Variants in ATRN observed in about 807,000 individuals in gnomAD.
ATRN encodes the protein attractin.
In ATRN, 54 loss-of-function variants were observed where a neutral mutation model predicts 178.7. That is an observed-to-expected ratio of 0.30 (90% CI 0.24 to 0.38). The LOEUF is 0.38. Among genes scored for constraint, ATRN ranks in the 10% least tolerant of loss-of-function variants. ATRN has a pLI of 1.00. For synonymous variants in ATRN, 636 were observed against 663.0 expected (o/e 0.96, Z 0.63); for missense variants, 1,443 against 1,815.1 (o/e 0.79, Z 3.73).
chr20:3,541,222 C>T lies in ATRN; in HGVS notation c.608+887C>T, dbSNP rs1225402456. Among the ~76,000 whole-genome samples, 16 of 151,816 alleles carry T rather than the reference C, an allele frequency of 1.1e-4. No homozygotes were observed. The South Asian group carries it at 2.1e-3, about 20-fold the overall frequency. On this transcript the variant is annotated intron_variant, in intron 3 of 28. Coordinates refer to ENST00000262919, the MANE Select transcript of ATRN (RefSeq NM_139321.3). ...CCTCCCGAGTAGCTGGGACTACAGG[C>T]GCCCGCTACCACGCCCGGCTAATTT...
At chr20:3,543,667 G>T (rs1294361255) in intron 3 of ATRN, among the ~76,000 whole-genome samples, 9 of 151,840 alleles carry the variant, frequency 5.9e-5, no homozygotes, top group African/African-American at 9.7e-5. Flanking sequence ...GGAGGTTGCG[G>T]TGAGCCGAGA....
intron 18 of ATRN, among the ~76,000 whole-genome samples, chr20:3,585,484 C>T (rs1447600125): frequency 6.6e-6 from 1 of 152,108 alleles, no homozygotes; most frequent in Non-Finnish European, 1.5e-5. Context: ...AAACTAACAC[C>T]AGGAACCAAT....
chr20:3,631,334 T>A (rs1382299563), intron 25 of ATRN, among the ~76,000 whole-genome samples: 1 of 152,074 alleles, frequency 6.6e-6, no homozygotes, highest in Admixed American at 6.6e-5. Context: ...GAATGGCTCA[T>A]ATAATATATG....
chr20:3,540,642 T>C (rs1011056695), intron 3 of ATRN, among the ~76,000 whole-genome samples: 2 of 152,220 alleles, frequency 1.3e-5, no homozygotes, highest in African/African-American at 4.8e-5. Flanking sequence ...CAAAATGTTT[T>C]GAGAGTGATA....
At chr20:3,523,286 C>T (rs1005929790) in intron 1 of ATRN, among the ~76,000 whole-genome samples, 5 of 151,184 alleles carry the variant, frequency 3.3e-5, no homozygotes, top group African/African-American at 9.7e-5. Context: ...TATCAATAGC[C>T]AAATCGATCA....
At chr20:3,587,130 C>T (rs2086369152) in intron 18 of ATRN, among the ~76,000 whole-genome samples, 1 of 152,054 alleles carries the variant, frequency 6.6e-6, no homozygotes, top group African/African-American at 2.4e-5. Context: ...ATTCTGAAGT[C>T]CCTTATTGGA....
rs755860434 is a variant in ATRN at position 3,596,372 on chromosome 20, C to A, written c.3417-5C>A. On this transcript the variant is annotated splice_polypyrimidine_tract_variant and splice_region_variant and intron_variant, in intron 20 of 28. Transcript: ENST00000262919. ...CAGTATAAAATAGTCTTTTTTCCCC[C>A]CCAGATGTGAGGTAGAAAATCGATA... 6.2e-7 allele frequency: 1 copy of A among 1,612,002 alleles called. No homozygotes were observed. Among genetic ancestry groups the A allele is most frequent in the South Asian group, 1.1e-5 (1 of 90,928 alleles).
At chr20:3,515,617 G>C (rs891611808) in intron 1 of ATRN, among the ~76,000 whole-genome samples, 1 of 152,184 alleles carries the variant, frequency 6.6e-6, no homozygotes, top group African/African-American at 2.4e-5. Context: ...AATTTGGTGA[G>C]AGCATTGAGT....
chr20:3,526,626 A>C (rs1157922534), intron 1 of ATRN, among the ~76,000 whole-genome samples: 4 of 152,202 alleles, frequency 2.6e-5, no homozygotes, highest in Non-Finnish European at 5.9e-5. Context: ...CCATATAACC[A>C]AGACAGCCCC....
At position 3,485,524 on chromosome 20, in the gene ATRN, T is replaced by C. The variant is rs778720414; in HGVS notation, c.410+14007T>C. On this transcript the variant is annotated intron_variant, in intron 1 of 28. Coordinates refer to ENST00000262919, the MANE Select transcript of ATRN (RefSeq NM_139321.3). ...TACTTTTTAATTGTTAGACCATCTT[T>C]GTATTCCTGAGTTGAACCCATTTTG... 1.9e-4 allele frequency among the ~76,000 whole-genome samples: 29 copies of C among 152,078 alleles called. 1 individual carries two copies. The highest frequency in any genetic ancestry group is 3.3e-4 in the Admixed American group (5 of 15,254).
intron 27 of ATRN, among the ~76,000 whole-genome samples, chr20:3,641,929 A>G (rs2087072381): frequency 6.6e-6 from 1 of 152,258 alleles, no homozygotes; most frequent in South Asian, 2.1e-4. Flanking sequence ...AATCATATAT[A>G]GAAATCTAAA....
chr20:3,586,236 T>C (rs1206262231), intron 18 of ATRN, among the ~76,000 whole-genome samples: 1 of 152,230 alleles, frequency 6.6e-6, no homozygotes, highest in African/African-American at 2.4e-5. Flanking sequence ...TCATACAGTG[T>C]AATGTTATTT....
At chr20:3,639,814 C>T (rs1189953043) in intron 27 of ATRN, among the ~76,000 whole-genome samples, 1 of 152,180 alleles carries the variant, frequency 6.6e-6, no homozygotes, top group Non-Finnish European at 1.5e-5. Flanking sequence ...TCCTTCCCTA[C>T]CCTAAAAAGA....
intron 3 of ATRN, among the ~76,000 whole-genome samples, chr20:3,541,304 C>G (rs2085618137): frequency 6.6e-6 from 1 of 151,992 alleles, no homozygotes; most frequent in African/African-American, 2.4e-5. Context: ...GTCTCGATCT[C>G]CTGACCTCGT....
intron 3 of ATRN, among the ~76,000 whole-genome samples, chr20:3,545,053 C>T (rs913388865): frequency 5.9e-5 from 9 of 151,962 alleles, no homozygotes; most frequent in Non-Finnish European, 5.9e-5. Flanking sequence ...TTAGCTTCTT[C>T]GTATTCTTAT....
At chr20:3,583,832 GAA>G in intron 16 of ATRN, 64 bp from the exon 17 acceptor site, 1 of 1,424,932 alleles carries the variant, frequency 7.0e-7, no homozygotes, top group Non-Finnish European at 9.6e-7. Context: ...AAGAAAGAAA[GAA>G]AAGTCTTTGA....
intron 1 of ATRN, among the ~76,000 whole-genome samples, chr20:3,513,978 T>C (rs1055375135): frequency 1.3e-5 from 2 of 152,168 alleles, no homozygotes; most frequent in African/African-American, 4.8e-5. Context: ...GCTTATCAGC[T>C]TAAGGAGATT....
chr20:3,580,982 C>A (rs1382226777), intron 15 of ATRN, among the ~76,000 whole-genome samples: 3 of 152,150 alleles, frequency 2.0e-5, no homozygotes, highest in Admixed American at 6.5e-5. Flanking sequence ...TGGCTCCTGC[C>A]TGTAATCCCA....
rs2086127555 is a variant in ATRN, at chr20:3,571,678, A to AT, written c.1872-1046dup. On this transcript the variant is annotated intron_variant, in intron 11 of 28. Transcript: ENST00000262919. ...TTCTCATATGTTTAAGGTCATTTGC[A>AT]TTTTTTTCTCTGCAAACTGGCTGAA... 3.3e-5 allele frequency among the ~76,000 whole-genome samples: 5 copies of AT among 151,494 alleles called. No individual in the cohort carries two copies. In the East Asian group the frequency reaches 7.8e-4, roughly 23 times the overall value.
Sources: allele counts gnomAD v4.1 joint callset (sites outside exome capture counted in the v4.1 genomes callset), GRCh38; gene constraint gnomAD v4.1.1; transcripts MANE v1.5; gene names NCBI Gene and HGNC (gene_info 2026-07-23, HGNC 2026-07-21).